Variants in PCDH15 observed in about 807,000 individuals in gnomAD.
PCDH15 encodes the protein protocadherin-15.
A neutral mutation model predicts 178.5 loss-of-function variants in PCDH15; 129 were observed. The observed-to-expected ratio is 0.72, with a 90% CI of 0.63 to 0.84. The LOEUF (loss-of-function observed/expected upper bound fraction) is 0.84. Ranked by LOEUF, PCDH15 falls within the 40% of genes least tolerant of loss-of-function variation. PCDH15 has a pLI of 0.00. For synonymous variants in PCDH15, 800 were observed against 732.0 expected, an observed-to-expected ratio of 1.09 and a Z score of -1.50; for missense variants, 2,230 against 2,099.9, an observed-to-expected ratio of 1.06 and a Z score of -1.21.
At chr10:55,198,517 C>T (rs902070524) in intron 1 of PCDH15, among the ~76,000 whole-genome samples, 14 of 152,174 alleles carry the variant, frequency 9.2e-5, no homozygotes, top group Admixed American at 7.8e-4. Flanking sequence ...GACGGAGTCT[C>T]GCCCTGTCGC....
At chr10:54,016,793 C>T (rs2092754929) in intron 20 of PCDH15, among the ~76,000 whole-genome samples, 1 of 152,078 alleles carries the variant, frequency 6.6e-6, no homozygotes, top group African/African-American at 2.4e-5. Context: ...ATGTTCATTA[C>T]CTGAGTGGCA....
intron 27 of PCDH15, among the ~76,000 whole-genome samples, chr10:53,860,115 G>A (rs1248967740): frequency 6.6e-6 from 1 of 152,096 alleles, no homozygotes; most frequent in Non-Finnish European, 1.5e-5. Flanking sequence ...AACATCAGAA[G>A]TTCCCTCTAG....
chr10:55,321,975 C>T (rs1843913507), upstream of PCDH15, among the ~76,000 whole-genome samples: 1 of 152,184 alleles, frequency 6.6e-6, no homozygotes. Context: ...CAGCTAACAA[C>T]ACAGTGATGG....
Position 54,089,972 on chromosome 10 carries a change from T to C in PCDH15, c.1997+12A>G. 1 of 1,594,660 alleles carries C rather than the reference T, an allele frequency of 6.3e-7. No individual in the cohort carries two copies. The highest frequency in any genetic ancestry group is 8.6e-7 in the Non-Finnish European group (1 of 1,162,966). The stretch of plus-strand genomic sequence containing the variant: ...TACATTTTTTTAAAGTAGGAAATCA[T>C]TTTTAACTTACGTTTCTGAAAGATT... On this transcript the variant is annotated intron_variant, in intron 16 of 37. Transcript: ENST00000644397.
chr10:54,571,967 G>A (rs958702), intron 2 of PCDH15, among the ~76,000 whole-genome samples: 142,444 of 152,098 alleles, frequency 0.94, 66,976 homozygotes, highest in Middle Eastern at 0.98. Flanking sequence ...TGTAGATGAG[G>A]TCCACCTGAT....
intron 2 of PCDH15, among the ~76,000 whole-genome samples, chr10:55,341,781 ATATATATATATATATATATATATATT>A (rs1223257807): frequency 7.9e-4 from 8 of 10,084 alleles, no homozygotes; most frequent in South Asian, 3.2e-3. Flanking sequence ...ATATATATAT[ATATATATATATATATATATATATATT>A]TTTTTTTTTT....
At chr10:55,221,417 A>C (rs531781952) in intron 1 of PCDH15, among the ~76,000 whole-genome samples, 3 of 152,242 alleles carry the variant, frequency 2.0e-5, no homozygotes, top group Admixed American at 1.3e-4. Context: ...CTTCTTTGTA[A>C]ATTTCATACA....
chr10:55,057,655 T>G (rs2131995239), intron 2 of PCDH15, among the ~76,000 whole-genome samples: 1 of 152,220 alleles, frequency 6.6e-6, no homozygotes, highest in African/African-American at 2.4e-5. Flanking sequence ...CTAGAATCCC[T>G]TTCTTCTCCT....
intron 2 of PCDH15, among the ~76,000 whole-genome samples, chr10:55,013,326 G>T (rs1049238592): frequency 6.6e-6 from 1 of 151,032 alleles, no homozygotes; most frequent in African/African-American, 2.4e-5. Flanking sequence ...TGCAAATGTG[G>T]ATATGTGTTG....
At chr10:55,018,164 A>T (rs1041149405) in intron 2 of PCDH15, among the ~76,000 whole-genome samples, 7 of 152,122 alleles carry the variant, frequency 4.6e-5, no homozygotes, top group African/African-American at 1.7e-4. Context: ...AGAGGCCAGT[A>T]ATATTTTAAG....
chr10:54,216,878 C>G (rs1289317239), intron 9 of PCDH15, among the ~76,000 whole-genome samples: 1 of 151,998 alleles, frequency 6.6e-6, no homozygotes, highest in Admixed American at 6.6e-5. Flanking sequence ...GGTGATACAT[C>G]CTAAAGCAGA....
chr10:54,505,657 G>A (rs975371648), intron 3 of PCDH15, among the ~76,000 whole-genome samples: 24 of 152,046 alleles, frequency 1.6e-4, no homozygotes, highest in Non-Finnish European at 1.6e-4. Context: ...GGGGTCGGGG[G>A]CTAGGGAAGG....
At chr10:54,097,903 A>C (rs2136122019) in intron 15 of PCDH15, among the ~76,000 whole-genome samples, 1 of 152,286 alleles carries the variant, frequency 6.6e-6, no homozygotes, top group South Asian at 2.1e-4. Flanking sequence ...ATTAGACTGC[A>C]AGGATAAACT....
At chr10:54,572,766 C>A (rs374016648) in intron 2 of PCDH15, among the ~76,000 whole-genome samples, 1 of 151,990 alleles carries the variant, frequency 6.6e-6, no homozygotes, top group South Asian at 2.1e-4. Flanking sequence ...TTGTAGAAAG[C>A]ATTGAAAATT....
intron 5 of PCDH15, among the ~76,000 whole-genome samples, chr10:54,354,625 A>C (rs2583035): frequency 0.11 from 17,499 of 152,198 alleles, 1,793 homozygotes; most frequent in African/African-American, 0.28. Flanking sequence ...ATTCCTTGAA[A>C]AGTTGAAGAT....
chr10:54,326,710 G>A (rs1031542201), intron 7 of PCDH15, among the ~76,000 whole-genome samples: 2 of 152,026 alleles, frequency 1.3e-5, no homozygotes, highest in African/African-American at 4.8e-5. Flanking sequence ...TGCCTCTCTT[G>A]AACATCATGA....
chr10:54,517,047 G>A (rs1188291060), intron 3 of PCDH15, among the ~76,000 whole-genome samples: 1 of 152,174 alleles, frequency 6.6e-6, no homozygotes, highest in South Asian at 2.1e-4. Flanking sequence ...CCCCAAAAGA[G>A]CTCCTGAAGG....
intron 3 of PCDH15, among the ~76,000 whole-genome samples, chr10:54,499,167 T>C (rs1030181303): frequency 1.3e-5 from 2 of 152,064 alleles, no homozygotes; most frequent in Non-Finnish European, 1.5e-5. Context: ...TCTAGATTAA[T>C]AAAACAAGTA....
chr10:53,871,245 G>T (rs1202305444), intron 26 of PCDH15, among the ~76,000 whole-genome samples: 1 of 151,964 alleles, frequency 6.6e-6, no homozygotes, highest in Non-Finnish European at 1.5e-5. Context: ...GGAGGCTAAG[G>T]CAGGAGAATG....
Sources: allele counts gnomAD v4.1 joint callset (sites outside exome capture counted in the v4.1 genomes callset), GRCh38; gene constraint gnomAD v4.1.1; transcripts MANE v1.5; gene names NCBI Gene and HGNC (gene_info 2026-07-23, HGNC 2026-07-21).